The following MAN2B2 variants were observed in gnomAD, a reference collection of about 807,000 sequenced individuals.
MAN2B2 encodes the protein epididymis-specific alpha-mannosidase.
A neutral mutation model predicts 117.1 loss-of-function variants in MAN2B2; 106 were observed. The observed-to-expected ratio is 0.90, with a 90% CI of 0.77 to 1.06. The LOEUF (loss-of-function observed/expected upper bound fraction) is 1.06. Ranked by LOEUF, MAN2B2 falls within the 50% of genes least tolerant of loss-of-function variation. The probability of loss-of-function intolerance (pLI) is 0.00; values close to 1 mark genes in which losing one functional copy is unlikely to be tolerated. For synonymous variants in MAN2B2, 544 were observed against 595.1 expected (o/e 0.91, Z 1.25); for missense variants, 1,326 against 1,381.4 (o/e 0.96, Z 0.64).
intron 7 of MAN2B2, 64 bp from the exon 8 acceptor site, chr4:6,597,049 G>C: frequency 6.7e-7 from 1 of 1,493,602 alleles, no homozygotes; most frequent in Non-Finnish European, 9.2e-7. Flanking sequence ...CTCTTCCAGG[G>C]CTGGAGCTTA....
At chr4:6,579,072 C>CCATCACCACCATCACCACCAT in intron 3 of MAN2B2, among the ~76,000 whole-genome samples, 1 of 63,768 alleles carries the variant, frequency 1.6e-5, no homozygotes, top group Non-Finnish European at 3.1e-5. Flanking sequence ...ATCACCATCA[C>CCATCACCACCATCACCACCAT]CACCACCACC....
intron 15 of MAN2B2, among the ~76,000 whole-genome samples, chr4:6,612,095 A>C (rs543057086): frequency 1.3e-5 from 2 of 152,362 alleles, no homozygotes; most frequent in African/African-American, 4.8e-5. Flanking sequence ...GGTTTTGATT[A>C]GCATGTGCTT....
chr4:6,600,906 GT>G (rs545583766), intron 10 of MAN2B2, 150 bp downstream of exon 10: 3 of 968,098 alleles, frequency 3.1e-6, no homozygotes, highest in Non-Finnish European at 4.5e-6. Context: ...GCAAAGTGGG[GT>G]TTTTTTCCCA....
At position 6,623,268 on chromosome 4, in the gene MAN2B2, C is replaced by CA. The variant is rs1282715169; in HGVS notation, c.*1985dup. 1 of 151,118 alleles carries CA rather than the reference C, an allele frequency of 6.6e-6. No individual in the cohort carries two copies. Among genetic ancestry groups the CA allele is most frequent in the Non-Finnish European group, 1.5e-5 (1 of 67,986 alleles). The allele number at this position is 151,118 out of a possible 1,614,324, so 9.4% of individuals were successfully genotyped here. On this transcript the variant is annotated 3_prime_UTR_variant, in exon 19 of 19. Coordinates refer to ENST00000285599, the MANE Select transcript of MAN2B2 (RefSeq NM_015274.3). ...ACTCGGGAGGCTGAGGCAGGAGAAT[C>CA]AATCACTTGAACCTGGGAGGCGGAG...
chr4:6,587,259 C>A (rs1448335597), intron 4 of MAN2B2, 91 bp downstream of exon 4: 24 of 1,460,070 alleles, frequency 1.6e-5, no homozygotes, highest in Non-Finnish European at 2.2e-5. Flanking sequence ...CTGCTCTATG[C>A]CGAAGTGTTC....
chr4:6,589,713 T>C (rs1324386102), intron 5 of MAN2B2, among the ~76,000 whole-genome samples: 1 of 152,118 alleles, frequency 6.6e-6, no homozygotes, highest in Non-Finnish European at 1.5e-5. Flanking sequence ...GGAGGCAGGA[T>C]TTGACTCCAG....
At chr4:6,620,112 G>A (rs971560519) in intron 18 of MAN2B2, 68 bp downstream of exon 18, 25 of 1,337,218 alleles carry the variant, frequency 1.9e-5, no homozygotes, top group Non-Finnish European at 2.3e-5. Flanking sequence ...GGTCAGACCC[G>A]GTGCACATCC....
rs199533513 is a variant in MAN2B2 at position 6,598,378 on chromosome 4, C to T, written c.1405+24C>T. 1.4e-4 allele frequency: 223 copies of T among 1,598,996 alleles called. No homozygotes were observed. In the African/African-American group the frequency reaches 2.7e-3, roughly 19 times the overall value. Reference sequence around the variant, plus strand: ...CGGTGAGCAGGGCCCTGCAGGGAGGCTGTGGCCCCTTTATGAAGGGAGAGC... The same window carrying T: ...CGGTGAGCAGGGCCCTGCAGGGAGGTTGTGGCCCCTTTATGAAGGGAGAGC... On this transcript the variant is annotated intron_variant, in intron 9 of 18. Transcript: ENST00000285599.
At chr4:6,577,664 G>A (rs1726118073) in intron 2 of MAN2B2, among the ~76,000 whole-genome samples, 6 of 152,356 alleles carry the variant, frequency 3.9e-5, no homozygotes, top group Admixed American at 3.9e-4. Flanking sequence ...CCTGACTCGA[G>A]GCAGGCCTTT....
In MAN2B2 at chr4:6,579,153, TCACCATCAC is replaced by T. The variant is rs1726245080; in HGVS notation, c.391+661_391+669del. Among the ~76,000 whole-genome samples the T allele has an allele frequency of 1.7e-4, 3 of 17,582 alleles. No homozygotes were observed. The Admixed American group carries it at 1.8e-3, about 10-fold the overall frequency. The allele number at this position is 17,582 out of a possible 152,430, so 11.5% of individuals were successfully genotyped here. The stretch of plus-strand genomic sequence containing the variant: ...ACCACCACCACCATCACCACCACCA[TCACCATCAC>T]CACCACCACCACCACCATCACCATC... On this transcript the variant is annotated intron_variant, in intron 3 of 18. Transcript: ENST00000285599.
chr4:6,586,512 G>A (rs546156312), intron 3 of MAN2B2, among the ~76,000 whole-genome samples: 46 of 152,292 alleles, frequency 3.0e-4, no homozygotes, highest in Non-Finnish European at 5.3e-4. Context: ...GCTGTAACAT[G>A]CAGGAACCTT....
At position 6,605,193 on chromosome 4, in the gene MAN2B2, G is replaced by A. The variant is rs1727492185; in HGVS notation, c.1678G>A (p.Ala560Thr). The A allele has an allele frequency of 6.2e-6, 10 of 1,614,096 alleles. No individual in the cohort carries two copies. Among genetic ancestry groups the A allele is most frequent in the African/African-American group, 1.3e-5 (1 of 74,946 alleles). ...EGTQEPAATV[A>T]STLQFGRRLR... ...CACCCAGGAGCCGGCTGCCACTGTG[G>A]CGAGCACCCTTCAATTTGGCCGCAG... The change falls in exon 11 of 19, where the codon GCG becomes ACG. Residue 560 changes from alanine (A) to threonine (T), a missense_variant. By Grantham distance (58) the Ala-to-Thr change is moderately conservative. Transcript: ENST00000285599.
In MAN2B2 at chr4:6,623,218, G is replaced by A. The variant is rs1712248730; in HGVS notation, c.*1933G>A. The A allele has an allele frequency of 6.6e-6, 1 of 151,742 alleles. No homozygotes were observed. Among genetic ancestry groups the A allele is most frequent in the African/African-American group, 2.4e-5 (1 of 40,888 alleles). 9.4% of individuals were successfully genotyped at this position (151,742 alleles called of 1,614,324 possible). The stretch of plus-strand genomic sequence containing the variant: ...AAAAATACAAAGTTAACCGGGTGTG[G>A]TGGTGTGCGCCTGTAGTCCCAGCTA... On this transcript the variant is annotated 3_prime_UTR_variant, in exon 19 of 19. Coordinates refer to ENST00000285599, the MANE Select transcript of MAN2B2 (RefSeq NM_015274.3).
chr4:6,582,893 G>A (rs1342372437), intron 3 of MAN2B2, among the ~76,000 whole-genome samples: 1 of 151,118 alleles, frequency 6.6e-6, no homozygotes, highest in Non-Finnish European at 1.5e-5. Context: ...CTTGTGGCCT[G>A]GTCATTATAC....
chr4:6,599,110 T>C (rs1401708290), intron 9 of MAN2B2, among the ~76,000 whole-genome samples: 1 of 152,178 alleles, frequency 6.6e-6, no homozygotes, highest in African/African-American at 2.4e-5. Context: ...TGTTTTTTGT[T>C]TTTTGAGACA....
chr4:6,599,783 T>C (rs2108747403), intron 9 of MAN2B2, among the ~76,000 whole-genome samples: 1 of 152,126 alleles, frequency 6.6e-6, no homozygotes, highest in South Asian at 2.1e-4. Flanking sequence ...AACATGCCCT[T>C]CCCCTCCCAT....
chr4:6,575,872 G>A (rs1304045251), intron 1 of MAN2B2, among the ~76,000 whole-genome samples: 2 of 152,194 alleles, frequency 1.3e-5, no homozygotes, highest in African/African-American at 2.4e-5. Context: ...AAAGGGTAGG[G>A]GAAGCATGCC....
At chr4:6,600,822 A>G in intron 10 of MAN2B2, 66 bp downstream of exon 10, 1 of 1,584,882 alleles carries the variant, frequency 6.3e-7, no homozygotes, top group Non-Finnish European at 8.6e-7. Context: ...GGCCGGGCAC[A>G]TTGTCTCTTC....
chr4:6,603,027 G>A (rs1727390859), intron 10 of MAN2B2, among the ~76,000 whole-genome samples: 2 of 151,856 alleles, frequency 1.3e-5, no homozygotes, highest in African/African-American at 4.8e-5. Flanking sequence ...TCCCTAGAAA[G>A]GCCTCACATG....
Sources: gnomAD v4.1 joint callset for allele counts (sites outside exome capture counted in the v4.1 genomes callset) on GRCh38, gnomAD v4.1.1 for gene constraint, MANE v1.5 for transcripts, NCBI Gene and HGNC (gene_info 2026-07-23, HGNC 2026-07-21) for gene names.